The following POLE variants were observed in gnomAD, a reference collection of about 807,000 sequenced individuals.
The protein encoded by POLE is DNA polymerase epsilon catalytic subunit A.
A neutral mutation model predicts 279.2 loss-of-function variants in POLE; 188 were observed. The ratio of observed to expected loss-of-function variants is 0.67; its 90% CI spans 0.60 to 0.76. The LOEUF (loss-of-function observed/expected upper bound fraction) is 0.76. Ranked by LOEUF, POLE falls within the 30% of genes least tolerant of loss-of-function variation. POLE has a pLI of 0.00. For synonymous variants in POLE, 1,214 were observed against 1,172.5 expected (o/e 1.04, Z -0.72); for missense variants, 2,703 against 3,016.7 (o/e 0.90, Z 2.44).
At chr12:132,628,235 G>A (rs930961399) in intron 45 of POLE, among the ~76,000 whole-genome samples, 3 of 152,150 alleles carry the variant, frequency 2.0e-5, no homozygotes, top group Non-Finnish European at 1.5e-5. Context: ...CCAGCTACTC[G>A]GGAGGCTGAG....
intron 23 of POLE, among the ~76,000 whole-genome samples, chr12:132,663,221 C>T (rs753084451): frequency 2.0e-5 from 3 of 152,214 alleles, no homozygotes; most frequent in Non-Finnish European, 2.9e-5. Flanking sequence ...CTTATATCCT[C>T]CCCACTGGGT....
intron 39 of POLE, chr12:132,640,894 C>G: frequency 2.3e-6 from 1 of 436,148 alleles, no homozygotes; most frequent in Non-Finnish European, 4.6e-6. Flanking sequence ...CCTCTTTCCA[C>G]CAGTCCTCTC....
chr12:132,641,607 C>G, intron 39 of POLE, 40 bp downstream of exon 39: 1 of 1,548,410 alleles, frequency 6.5e-7, no homozygotes, highest in Non-Finnish European at 8.9e-7. Context: ...AAGGATAAGA[C>G]CCTTCTATTA....
chr12:132,646,261 CAGA>C (rs1319687849), intron 32 of POLE, among the ~76,000 whole-genome samples: 1 of 152,112 alleles, frequency 6.6e-6, no homozygotes, highest in Non-Finnish European at 1.5e-5. Flanking sequence ...ATCAGGCCAG[CAGA>C]AGGTTGCACA....
intron 1 of POLE, among the ~76,000 whole-genome samples, chr12:132,686,032 C>A (rs1191429904): frequency 6.6e-6 from 1 of 152,122 alleles, no homozygotes; most frequent in Non-Finnish European, 1.5e-5. Context: ...TGCGCCACCA[C>A]GCCCCGCTAA....
intron 2 of POLE, 32 bp from the exon 3 acceptor site, chr12:132,680,719 A>C (rs1347849307): frequency 2.6e-6 from 4 of 1,511,622 alleles, no homozygotes; most frequent in Non-Finnish European, 3.7e-6. Context: ...CAGACACAAG[A>C]CCATCCTCTA....
At position 132,649,797 on chromosome 12, in the gene POLE, G is replaced by GGCT. The variant is rs750939989; in HGVS notation, c.3672_3674dup (p.Ala1225dup). 26 of 1,614,082 alleles carry GGCT rather than the reference G, an allele frequency of 1.6e-5. No individual in the cohort carries two copies. Among genetic ancestry groups the GGCT allele is most frequent in the Non-Finnish European group, 2.2e-5 (26 of 1,180,054 alleles). On this transcript the variant is annotated inframe_insertion, in exon 30 of 49. Transcript: ENST00000320574. The stretch of plus-strand genomic sequence containing the variant: ...CTCGCTTCCTCTTCACAGTGACAGG[G>GGCT]GCTGCTGGGTGAGGCAGCTTTACGA...
intron 21 of POLE, 39 bp downstream of exon 21, chr12:132,665,263 T>G: frequency 6.3e-7 from 1 of 1,599,046 alleles, no homozygotes; most frequent in Non-Finnish European, 8.6e-7. Context: ...GACTCATCCA[T>G]TCCTCCCATA....
At position 132,672,645 on chromosome 12, in the gene POLE, G is replaced by T. The variant is rs2135992830; in HGVS notation, c.1668C>A (p.Ile556=). 1.2e-6 allele frequency: 2 copies of T among 1,614,102 alleles called. No individual in the cohort carries two copies. The highest frequency in any genetic ancestry group is 1.7e-6 in the Non-Finnish European group (2 of 1,180,008). The part of the protein sequence containing the change: ...ALESGVFRSD[I]PCRFRMNPAA... ...AGCACACCATCCTAAACCGGCAAGG[G>T]ATATCGCTGCGGAAAACCCCAGACT... The change falls in exon 15 of 49, where the codon ATC becomes ATA. Residue 556 remains isoleucine (I), a synonymous_variant. Transcript: ENST00000320574.
intron 45 of POLE, among the ~76,000 whole-genome samples, chr12:132,628,962 GGT>G (rs1349608288): frequency 6.6e-6 from 1 of 152,208 alleles, no homozygotes; most frequent in Non-Finnish European, 1.5e-5. Flanking sequence ...CATCCAGAAT[GGT>G]GAATCCTTTC....
At position 132,664,576 on chromosome 12, in the gene POLE, C is replaced by G. The variant is rs978388282; in HGVS notation, c.2469-114G>C. On this transcript the variant is annotated intron_variant, in intron 21 of 48. Transcript: ENST00000320574. This position sits in a 1 kb window ranked among gnomAD's most constrained non-coding sequence, Gnocchi z 5.3. ...AGAGATGCGACAGGGACAAGGGAAGCAGCCAAATGTGCGTGCACCAGGACA... is the reference window on the plus strand; with the variant it reads ...AGAGATGCGACAGGGACAAGGGAAGGAGCCAAATGTGCGTGCACCAGGACA... The G allele has an allele frequency of 2.6e-6, 2 of 781,578 alleles. No individual in the cohort carries two copies. The highest frequency in any genetic ancestry group is 3.4e-5 in the African/African-American group (2 of 58,852). The allele number at this position is 781,578 out of a possible 1,614,324, so 48.4% of individuals were successfully genotyped here.
chr12:132,630,429 C>T (rs1238757119), intron 45 of POLE, among the ~76,000 whole-genome samples: 2 of 152,292 alleles, frequency 1.3e-5, no homozygotes, highest in Non-Finnish European at 2.9e-5. Flanking sequence ...AGAGGACAGA[C>T]ACCAGGACAG....
At chr12:132,636,567 GC>G (rs1304164970) in intron 41 of POLE, among the ~76,000 whole-genome samples, 1 of 151,676 alleles carries the variant, frequency 6.6e-6, no homozygotes, top group Non-Finnish European at 1.5e-5. Context: ...ACCACCCCAG[GC>G]AACGTGGCAA....
chr12:132,673,646 C>T lies in POLE; in HGVS notation c.1288G>A (p.Ala430Thr), dbSNP rs140566004. ...GSHNLKAAAK[A>T]KLGYDPVELD... Reference sequence around the variant, plus strand: ...TCCACGGGATCATAGCCTAGCTTGGCCTTGGCGGCCGCCTTGAGATTATGA... The same window carrying T: ...TCCACGGGATCATAGCCTAGCTTGGTCTTGGCGGCCGCCTTGAGATTATGA... The change falls in exon 13 of 49, where the codon GCC (alanine) becomes ACC (threonine). Residue 430 changes from alanine to threonine, a missense_variant. This residue lies in a region of POLE where 1,011 missense variants were observed against 1,111.7 expected (regional missense o/e 0.91). Coordinates refer to ENST00000320574, the MANE Select transcript of POLE (RefSeq NM_006231.4). 2.7e-4 allele frequency: 440 copies of T among 1,614,000 alleles called. 6 individuals are homozygous for T. The South Asian group carries it at 3.6e-3, about 13-fold the overall frequency.
Position 132,672,676 on chromosome 12 carries a change from G to T in POLE, c.1637C>A (p.Ala546Asp). The T allele has an allele frequency of 6.2e-7, 1 of 1,614,138 alleles. No individual in the cohort carries two copies. The highest frequency in any genetic ancestry group is 8.5e-7 in the Non-Finnish European group (1 of 1,180,034). Residue 546 changes from alanine to aspartate, a missense_variant, in exon 15 of 49, where the codon GCC (alanine) becomes GAC (aspartate). Coordinates refer to ENST00000320574, the MANE Select transcript of POLE (RefSeq NM_006231.4). ...GCTGCGGAAAACCCCAGACTCGAGG[G>T]CCTCCACGTGGCCCCCGACGTAGGT... is the stretch of plus-strand genomic sequence containing the variant. The part of the protein sequence containing the change: ...SETYVGGHVE[A>D]LESGVFRSDI...
At chr12:132,673,314 A>G (rs2135997416) in intron 13 of POLE, 37 bp from the exon 14 acceptor site, 1 of 1,416,106 alleles carries the variant, frequency 7.1e-7, no homozygotes, top group Non-Finnish European at 1.0e-6. Context: ...GCCATCAAAA[A>G]TCAAGAGCCC....
rs751392565 is a variant in POLE, at chr12:132,665,307, G to T, written c.2463C>A (p.Arg821=). Residue 821 remains arginine, a synonymous_variant, in exon 21 of 49, where the codon CGC becomes CGA. Transcript: ENST00000320574. ...CCGGGCCCGGGCCCACCTACCCCTT[G>T]CGCATGACATAGCCATAGAAGGAGT... The part of the protein sequence containing the change: ...ILNSFYGYVM[R]KGARWYSMEM... The T allele has an allele frequency of 2.5e-6, 4 of 1,613,476 alleles. No homozygotes were observed. The highest frequency in any genetic ancestry group is 3.4e-6 in the Non-Finnish European group (4 of 1,179,678).
At chr12:132,674,654 A>G (rs1193482987) in intron 12 of POLE, among the ~76,000 whole-genome samples, 1 of 152,070 alleles carries the variant, frequency 6.6e-6, no homozygotes, top group East Asian at 1.9e-4. Flanking sequence ...CCTGCCTTGG[A>G]TCAGGACTGT....
rs5744943 is a variant in POLE, at chr12:132,643,299, G to T, written c.4476C>A (p.His1492Gln). ...CGAAGAGCGCTTTGTGGGCCTGTGCGTGGTGGTACAGGTAGATATGGCGGA... is the reference window on the plus strand; with the variant it reads ...CGAAGAGCGCTTTGTGGGCCTGTGCTTGGTGGTACAGGTAGATATGGCGGA... ...GSIRHIYLYH[H>Q]AQAHKALFGI... Residue 1492 changes from histidine to glutamine, a missense_variant, in exon 35 of 49, where the codon CAC (histidine) becomes CAA (glutamine). His to Gln is a conservative substitution (Grantham distance 24, BLOSUM62 0). Coordinates refer to ENST00000320574, the MANE Select transcript of POLE (RefSeq NM_006231.4). The T allele has an allele frequency of 2.3e-5, 37 of 1,613,874 alleles. No homozygotes were observed. The highest frequency in any genetic ancestry group is 3.1e-5 in the Non-Finnish European group (37 of 1,180,026).
Sources: allele counts gnomAD v4.1 joint callset (sites outside exome capture counted in the v4.1 genomes callset), GRCh38; gene constraint gnomAD v4.1.1; regional missense constraint gnomAD v4.1.1; non-coding constraint Gnocchi (gnomAD v3.1); transcripts MANE v1.5; gene names NCBI Gene and HGNC (gene_info 2026-07-23, HGNC 2026-07-21).